TDRD12: variants seen among roughly 807,000 people sequenced by gnomAD.
TDRD12 encodes tudor domain containing 12.
TDRD12 carries 158 observed loss-of-function variants against 133.5 expected under a neutral mutation model. That is an observed-to-expected ratio of 1.18 (90% CI 1.04 to 1.35). The LOEUF is 1.35. Among genes scored for constraint, TDRD12 ranks in the 40% most tolerant of loss-of-function variants. The probability of loss-of-function intolerance (pLI) is 0.00; values close to 1 mark genes in which losing one functional copy is unlikely to be tolerated. For missense variants in TDRD12, 1,443 were observed against 1,321.3 expected, an observed-to-expected ratio of 1.09 and a Z score of -1.43; for synonymous variants, 460 against 477.9, an observed-to-expected ratio of 0.96 and a Z score of 0.49.
Position 32,749,704 on chromosome 19 carries a change from T to A in TDRD12, c.497-80T>A, listed in dbSNP as rs145858602. 2,563 of 1,111,302 alleles carry A rather than the reference T, an allele frequency of 2.3e-3. 35 individuals carry two copies. In the African/African-American group the frequency reaches 0.033, roughly 14 times the overall value. The allele number at this position is 1,111,302 out of a possible 1,614,324, so 68.8% of individuals were successfully genotyped here. On this transcript the variant is annotated intron_variant, in intron 5 of 27. Transcript: ENST00000444215. ...GCACTCTTAAGTGGTTAGCAGAGGTTACTAGGTGGGAAATCGTCATGATTG... is the reference window on the plus strand; with the variant it reads ...GCACTCTTAAGTGGTTAGCAGAGGTAACTAGGTGGGAAATCGTCATGATTG...
chr19:32,802,445 A>AT (rs1403236364), intron 19 of TDRD12, among the ~76,000 whole-genome samples: 1 of 151,878 alleles, frequency 6.6e-6, no homozygotes, highest in Non-Finnish European at 1.5e-5. Context: ...AATAAGAGAC[A>AT]TTTTTCAGGC....
At chr19:32,742,959 G>T (rs185994364) in intron 4 of TDRD12, 59 bp downstream of exon 4, 4 of 1,539,540 alleles carry the variant, frequency 2.6e-6, no homozygotes, top group Non-Finnish European at 3.5e-6. Context: ...TCAAGTGCAC[G>T]ATCTTTGTAT....
intron 4 of TDRD12, among the ~76,000 whole-genome samples, chr19:32,747,516 G>C (rs904183790): frequency 6.6e-6 from 1 of 152,158 alleles, no homozygotes; most frequent in Non-Finnish European, 1.5e-5. Flanking sequence ...AAAATCAGAA[G>C]AAACATAGAA....
intron 6 of TDRD12, among the ~76,000 whole-genome samples, chr19:32,754,776 C>T (rs1034811539): frequency 3.3e-5 from 5 of 149,452 alleles, no homozygotes; most frequent in Non-Finnish European, 7.4e-5. Context: ...TCCTGGGTTC[C>T]AGTAATTATC....
chr19:32,753,958 A>C (rs978418717), intron 6 of TDRD12, among the ~76,000 whole-genome samples: 4 of 152,190 alleles, frequency 2.6e-5, no homozygotes, highest in African/African-American at 9.7e-5. Flanking sequence ...CAAAATTTGT[A>C]TTTAGTCTTC....
At chr19:32,755,847 A>C (rs561945363) in intron 6 of TDRD12, 145 bp from the exon 7 acceptor site, 2 of 581,308 alleles carry the variant, frequency 3.4e-6, no homozygotes, top group African/African-American at 3.9e-5. Context: ...TTACCAGAGC[A>C]GGAGTCAAAT....
Position 32,787,935 on chromosome 19 carries a change from G to A in TDRD12, c.1122-2596G>A, listed in dbSNP as rs146839408. Among the ~76,000 whole-genome samples the A allele has an allele frequency of 9.5e-3, 1,446 of 152,144 alleles. 28 individuals carry two copies. Among genetic ancestry groups the A allele is most frequent in the African/African-American group, 0.033 (1,357 of 41,512 alleles). ...CACCCTGCTTCAGCTCACCCTCCAC[G>A]GGCTGCACCCACTGTCCAACCAGTC... On this transcript the variant is annotated intron_variant, in intron 11 of 27. Transcript: ENST00000444215.
At chr19:32,810,060 GTTTC>G in intron 22 of TDRD12, 29 bp from the exon 23 acceptor site, 1 of 1,386,388 alleles carries the variant, frequency 7.2e-7, no homozygotes, top group South Asian at 1.5e-5. Context: ...GACTAAGTTT[GTTTC>G]TTGGTCATGT....
At chr19:32,749,664 G>A (rs9783983) in intron 5 of TDRD12, 120 bp from the exon 6 acceptor site, 339,419 of 690,972 alleles carry the variant, frequency 0.49, 84,235 homozygotes, top group East Asian at 0.53. Context: ...GGTCCTGCCC[G>A]AGGAAGACAT....
chr19:32,803,882 G>A (rs963883438), intron 21 of TDRD12, among the ~76,000 whole-genome samples: 1 of 152,006 alleles, frequency 6.6e-6, no homozygotes, highest in Non-Finnish European at 1.5e-5. Flanking sequence ...GCCCGTTGAG[G>A]TCTTTTGACC....
chr19:32,726,531 G>A (rs1968867432), intron 1 of TDRD12, among the ~76,000 whole-genome samples: 1 of 152,070 alleles, frequency 6.6e-6, no homozygotes, highest in South Asian at 2.1e-4. Flanking sequence ...TTTGTGACTG[G>A]CTTATTTCAC....
In TDRD12 at chr19:32,800,764, GT is replaced by G; in HGVS notation, c.2072del (p.Val691GlyfsTer4). ...CTGCTCTGTAGCTGAAACAGAAATA[GT>G]GTGTAAGGTGAGTCCATCTCCATAT... On this transcript the variant is annotated frameshift_variant, in exon 18 of 28. Coordinates refer to ENST00000444215, the Ensembl canonical transcript of TDRD12. LOFTEE classifies it high-confidence loss of function. 6.5e-7 allele frequency: 1 copy of G among 1,530,676 alleles called. No homozygotes were observed. The highest frequency in any genetic ancestry group is 8.7e-7 in the Non-Finnish European group (1 of 1,145,306). The allele number at this position is 1,530,676 out of a possible 1,614,324, so 94.8% of individuals were successfully genotyped here. A position where few individuals can be genotyped will look rare whatever the true frequency, so the allele number is the denominator to read the frequency against.
chr19:32,790,030 G>A (rs1250872764), intron 11 of TDRD12, among the ~76,000 whole-genome samples: 6 of 151,868 alleles, frequency 4.0e-5, no homozygotes, highest in Non-Finnish European at 7.4e-5. Flanking sequence ...GAAAAAACGC[G>A]TTTACAGGAA....
intron 13 of TDRD12, among the ~76,000 whole-genome samples, chr19:32,794,285 G>T (rs111818441): frequency 0.11 from 16,172 of 150,526 alleles, 1,080 homozygotes; most frequent in Middle Eastern, 0.17. Flanking sequence ...TTGTATTTTT[G>T]GTAGAGATGG....
chr19:32,807,116 T>G (rs1971572914), intron 21 of TDRD12, among the ~76,000 whole-genome samples: 1 of 151,662 alleles, frequency 6.6e-6, no homozygotes, highest in African/African-American at 2.4e-5. Context: ...GGAAATACAT[T>G]TTGTTCATTT....
intron 8 of TDRD12, among the ~76,000 whole-genome samples, chr19:32,757,916 A>G (rs1359392343): frequency 6.6e-6 from 1 of 152,316 alleles, no homozygotes; most frequent in South Asian, 2.1e-4. Flanking sequence ...ATTATTTTCA[A>G]TTACTTTGGT....
At chr19:32,826,714 G>A (rs1967603369) in intron 9 of TDRD12, 3 of 1,232,370 alleles carry the variant, frequency 2.4e-6, no homozygotes, top group East Asian at 3.2e-5. Context: ...TTTGATCACT[G>A]GGAAGACTGT....
At chr19:32,740,199 GCTCTCTGCATCTCCTGGGTA>G (rs1969375424) in intron 3 of TDRD12, among the ~76,000 whole-genome samples, 4 of 99,202 alleles carry the variant, frequency 4.0e-5, no homozygotes, top group African/African-American at 1.3e-4. Flanking sequence ...TCTCCTGGGT[GCTCTCTGCATCTCCTGGGTA>G]CTCTCTGCAT....
chr19:32,756,947 A>T (rs1319143371), intron 7 of TDRD12, 91 bp from the exon 8 acceptor site: 1 of 1,148,016 alleles, frequency 8.7e-7, no homozygotes, highest in African/African-American at 1.5e-5. Flanking sequence ...TCAGAGCAAA[A>T]GCAAGAGCAG....
Sources: allele counts gnomAD v4.1 joint callset (sites outside exome capture counted in the v4.1 genomes callset), GRCh38; gene constraint gnomAD v4.1.1; transcripts MANE v1.5; gene names NCBI Gene and HGNC (gene_info 2026-07-23, HGNC 2026-07-21).